Variants in CMSS1 observed in about 807,000 individuals in gnomAD.
CMSS1 encodes cms1 ribosomal small subunit homolog.
In CMSS1, 33 loss-of-function variants were observed where a neutral mutation model predicts 43.5. That is an observed-to-expected ratio of 0.76 (90% CI 0.57 to 1.01). CMSS1 has a LOEUF of 1.01. Ranked by LOEUF, CMSS1 falls within the 50% of genes least tolerant of loss-of-function variation. The pLI, the probability that CMSS1 is intolerant of heterozygous loss-of-function variation, is 0.00. For synonymous variants in CMSS1, 115 were observed against 117.2 expected (o/e 0.98, Z 0.12); for missense variants, 313 against 326.4 (o/e 0.96, Z 0.32).
intron 1 of CMSS1, among the ~76,000 whole-genome samples, chr3:100,034,006 TTTGA>T (rs1386043831): frequency 6.6e-6 from 1 of 152,236 alleles, no homozygotes; most frequent in South Asian, 2.1e-4. Context: ...AGTATGGTTA[TTTGA>T]TTGAAGAAAC....
intron 1 of CMSS1, among the ~76,000 whole-genome samples, chr3:100,103,766 A>G (rs2066348155): frequency 6.6e-6 from 1 of 152,224 alleles, no homozygotes; most frequent in African/African-American, 2.4e-5. Flanking sequence ...TGGCCTTGCA[A>G]TAAACATGTT....
At chr3:99,930,084 C>T in intron 1 of CMSS1, 1 of 1,443,688 alleles carries the variant, frequency 6.9e-7, no homozygotes. Context: ...GCAGTCTCAG[C>T]AAGTGATTTT....
intron 7 of CMSS1, 129 bp from the exon 8 acceptor site, chr3:100,172,187 C>T (rs929194397): frequency 1.3e-5 from 10 of 785,134 alleles, no homozygotes; most frequent in East Asian, 2.6e-5. Flanking sequence ...CCCTGGAAGT[C>T]GACCCTACAC....
rs1317904530 is a variant in CMSS1, at chr3:100,089,990, C to T, written c.65-56983C>T. Among the ~76,000 whole-genome samples the T allele has an allele frequency of 3.3e-5, 5 of 152,326 alleles. No individual in the cohort carries two copies. In the East Asian group the frequency reaches 9.7e-4, roughly 29 times the overall value. On this transcript the variant is annotated intron_variant, in intron 1 of 9. Transcript: ENST00000421999. ...GGAAATAGTACACTCATCTTCCCTA[C>T]TCCCCCGCAACTGCAAAGCCAGCTA...
At chr3:99,988,341 C>CAAAA (rs63321762) in intron 1 of CMSS1, among the ~76,000 whole-genome samples, 7 of 62,308 alleles carry the variant, frequency 1.1e-4, no homozygotes, top group African/African-American at 2.0e-4. Context: ...ACTAAAAATC[C>CAAAA]AAAAAAAAAA....
At chr3:99,920,839 A>G (rs182349622) in intron 1 of CMSS1, among the ~76,000 whole-genome samples, 2 of 152,232 alleles carry the variant, frequency 1.3e-5, no homozygotes, top group African/African-American at 2.4e-5. Context: ...CCATTATTAC[A>G]TCCTCTGAGG....
At chr3:100,089,886 G>A (rs1304317183) in intron 1 of CMSS1, among the ~76,000 whole-genome samples, 3 of 152,126 alleles carry the variant, frequency 2.0e-5, no homozygotes, top group Admixed American at 1.3e-4. Context: ...CTTGTCTTCC[G>A]TTTCCTAGGC....
intron 1 of CMSS1, among the ~76,000 whole-genome samples, chr3:100,078,063 G>A (rs143096895): frequency 0.011 from 1,623 of 151,224 alleles, 34 homozygotes; most frequent in African/African-American, 0.036. Flanking sequence ...TTATAAGTTA[G>A]AATTGGGCTT....
intron 1 of CMSS1, among the ~76,000 whole-genome samples, chr3:99,855,918 C>T (rs764009189): frequency 2.6e-4 from 40 of 152,208 alleles, no homozygotes; most frequent in Non-Finnish European, 4.4e-4. Flanking sequence ...ACCAGTCATT[C>T]AGGAAAAGTC....
At chr3:99,964,940 A>G (rs1486653609) in intron 1 of CMSS1, among the ~76,000 whole-genome samples, 2 of 152,224 alleles carry the variant, frequency 1.3e-5, no homozygotes, top group African/African-American at 4.8e-5. Flanking sequence ...AAGACTCTGT[A>G]TAAAAATTGT....
chr3:99,933,992 G>T (rs1707576645), intron 1 of CMSS1, among the ~76,000 whole-genome samples: 1 of 152,178 alleles, frequency 6.6e-6, no homozygotes, highest in Admixed American at 6.5e-5. Flanking sequence ...GGCCTGGATG[G>T]TCTAAGACGG....
At chr3:99,895,825 A>G (rs923130107) in intron 1 of CMSS1, among the ~76,000 whole-genome samples, 2 of 152,182 alleles carry the variant, frequency 1.3e-5, no homozygotes, top group Admixed American at 1.3e-4. Flanking sequence ...GTGCCTCCTT[A>G]AAAGACTGGT....
At chr3:99,983,389 A>AATAAATATATATATAT (rs1302972402) in intron 1 of CMSS1, among the ~76,000 whole-genome samples, 12 of 40,796 alleles carry the variant, frequency 2.9e-4, no homozygotes, top group African/African-American at 9.2e-4. Context: ...TAAATAAATA[A>AATAAATATATATATAT]ATATATATAT....
chr3:99,915,782 T>G (rs1342300971), intron 1 of CMSS1, among the ~76,000 whole-genome samples: 1 of 152,222 alleles, frequency 6.6e-6, no homozygotes, highest in Non-Finnish European at 1.5e-5. Flanking sequence ...CTCTGTATCC[T>G]TTGTTGTCAT....
At chr3:100,066,888 G>A (rs1259311390) in intron 1 of CMSS1, among the ~76,000 whole-genome samples, 1 of 152,070 alleles carries the variant, frequency 6.6e-6, no homozygotes, top group Non-Finnish European at 1.5e-5. Context: ...ATTTTTACTT[G>A]ACCATACCAT....
chr3:99,983,462 G>GTATATATATATATA (rs1466852207), intron 1 of CMSS1, among the ~76,000 whole-genome samples: 1 of 11,998 alleles, frequency 8.3e-5, no homozygotes, highest in Non-Finnish European at 2.0e-4. Context: ...ATATATATGT[G>GTATATATATATATA]TGTATATATA....
intron 1 of CMSS1, among the ~76,000 whole-genome samples, chr3:99,982,327 C>G (rs114666899): frequency 0.012 from 1,836 of 151,930 alleles, 24 homozygotes; most frequent in African/African-American, 0.027. Context: ...CTTTCATTCA[C>G]CATTAGGTAA....
At chr3:99,850,524 C>A (rs1168700892) in intron 1 of CMSS1, 1 of 1,613,250 alleles carries the variant, frequency 6.2e-7, no homozygotes, top group South Asian at 1.1e-5. Flanking sequence ...CTTCATCTTT[C>A]CCTTCCATAT....
intron 1 of CMSS1, among the ~76,000 whole-genome samples, chr3:99,935,753 T>C (rs1707645252): frequency 6.6e-6 from 1 of 152,236 alleles, no homozygotes. Context: ...TACAGTGCAG[T>C]TGGCAGTGAG....
Sources: gnomAD v4.1 joint callset for allele counts (sites outside exome capture counted in the v4.1 genomes callset) on GRCh38, gnomAD v4.1.1 for gene constraint, MANE v1.5 for transcripts, NCBI Gene and HGNC (gene_info 2026-07-23, HGNC 2026-07-21) for gene names.